EPHB2: variants seen among roughly 807,000 people sequenced by gnomAD.
The protein encoded by EPHB2 is EPH receptor B2.
In EPHB2, 18 loss-of-function variants were observed where a neutral mutation model predicts 96.4. The ratio of observed to expected loss-of-function variants is 0.19; its 90% CI spans 0.13 to 0.28. The LOEUF (loss-of-function observed/expected upper bound fraction) is 0.28, where lower values mean the gene tolerates loss of function less well. Ranked by LOEUF, EPHB2 falls within the 10% of genes least tolerant of loss-of-function variation. EPHB2 has a pLI of 1.00. For synonymous variants in EPHB2, 506 were observed against 534.1 expected, an observed-to-expected ratio of 0.95 and a Z score of 0.72; for missense variants, 989 against 1,355.4, an observed-to-expected ratio of 0.73 and a Z score of 4.25.
At chr1:22,882,646 C>T in intron 6 of EPHB2, 163 bp downstream of exon 6, 4 of 1,075,846 alleles carry the variant, frequency 3.7e-6, no homozygotes, top group Non-Finnish European at 5.3e-6. Context: ...TCCAGCTCCG[C>T]TCCTTCCCAC....
chr1:22,785,155 G>C, intron 3 of EPHB2, 79 bp downstream of exon 3: 1 of 1,565,208 alleles, frequency 6.4e-7, no homozygotes, highest in Non-Finnish European at 8.7e-7. Context: ...GCAGACTTGG[G>C]CCTGGCCTCT....
intron 1 of EPHB2, among the ~76,000 whole-genome samples, chr1:22,726,350 A>G (rs1239505995): frequency 6.6e-6 from 1 of 152,062 alleles, no homozygotes; most frequent in Admixed American, 6.5e-5. Flanking sequence ...GCCAGGCACC[A>G]TCCTAGGTGA....
At chr1:22,855,579 G>C (rs1306404753) in intron 3 of EPHB2, among the ~76,000 whole-genome samples, 1 of 152,174 alleles carries the variant, frequency 6.6e-6, no homozygotes, top group Non-Finnish European at 1.5e-5. Context: ...TCCCTAACTA[G>C]ACCTGAACTT....
Position 22,775,383 on chromosome 1 carries a change from TTTC to T in EPHB2, c.62-6031_62-6029del, listed in dbSNP as rs1247137691. The T allele has an allele frequency of 1.6e-5, 11 of 687,244 alleles. No homozygotes were observed. In the Admixed American group the frequency reaches 2.3e-4, roughly 14 times the overall value. The allele number at this position is 687,244 out of a possible 1,614,324, so 42.6% of individuals were successfully genotyped here. ...GGCATGTATAGGTGCTTAATGAAAG[TTTC>T]TTCTTCATGACTTTGGAACACTCAC... On this transcript the variant is annotated intron_variant, in intron 1 of 15. Transcript: ENST00000374630.
intron 1 of EPHB2, among the ~76,000 whole-genome samples, chr1:22,775,757 C>A (rs925413974): frequency 2.6e-5 from 4 of 152,230 alleles, no homozygotes; most frequent in African/African-American, 9.6e-5. Context: ...AGGGATAGGG[C>A]CAAAGTCACT....
chr1:22,751,307 A>G (rs553432267), intron 1 of EPHB2, among the ~76,000 whole-genome samples: 1 of 152,150 alleles, frequency 6.6e-6, no homozygotes, highest in Non-Finnish European at 1.5e-5. Context: ...TGCACGCAGG[A>G]CTGATGGGGC....
chr1:22,798,229 G>T (rs1205970176), intron 3 of EPHB2, among the ~76,000 whole-genome samples: 1 of 152,134 alleles, frequency 6.6e-6, no homozygotes, highest in Admixed American at 6.5e-5. Flanking sequence ...AATCCTGCTG[G>T]GAGTAACGCT....
chr1:22,731,357 G>A (rs1211749318), intron 1 of EPHB2, among the ~76,000 whole-genome samples: 2 of 151,466 alleles, frequency 1.3e-5, no homozygotes, highest in African/African-American at 2.4e-5. Flanking sequence ...CTGCACTGGG[G>A]GATTAGCGGA....
At chr1:22,744,237 G>T (rs964399684) in intron 1 of EPHB2, among the ~76,000 whole-genome samples, 1 of 151,780 alleles carries the variant, frequency 6.6e-6, no homozygotes, top group Non-Finnish European at 1.5e-5. Context: ...CGCCTACCTC[G>T]TAGCCCAGTA....
chr1:22,729,893 T>C (rs533283073), intron 1 of EPHB2, among the ~76,000 whole-genome samples: 3 of 152,310 alleles, frequency 2.0e-5, no homozygotes, highest in South Asian at 2.1e-4. Flanking sequence ...TCAACTGATA[T>C]ATATTGATTG....
intron 1 of EPHB2, among the ~76,000 whole-genome samples, chr1:22,719,168 G>A (rs1032876791): frequency 2.0e-5 from 3 of 152,138 alleles, no homozygotes; most frequent in African/African-American, 7.2e-5. Context: ...CAGTCACAGG[G>A]CCATTTGCAG....
At chr1:22,815,585 C>G (rs1645064215) in intron 3 of EPHB2, among the ~76,000 whole-genome samples, 1 of 152,258 alleles carries the variant, frequency 6.6e-6, no homozygotes, top group Non-Finnish European at 1.5e-5. Flanking sequence ...GGCCCCAGGC[C>G]CTTCTTGGCT....
intron 1 of EPHB2, among the ~76,000 whole-genome samples, chr1:22,748,808 A>G (rs560620415): frequency 7.4e-4 from 111 of 149,238 alleles, no homozygotes; most frequent in African/African-American, 2.5e-3. Flanking sequence ...GTTTCCTCCA[A>G]TTCTTTCTAG....
chr1:22,727,349 G>A (rs1643602919), intron 1 of EPHB2, among the ~76,000 whole-genome samples: 1 of 152,258 alleles, frequency 6.6e-6, no homozygotes, highest in African/African-American at 2.4e-5. Flanking sequence ...CAGAGTGAAC[G>A]AGTTAGGGCA....
Position 22,914,068 on chromosome 1 carries a change from A to T in EPHB2, c.*498A>T, listed in dbSNP as rs771785316. The T allele has an allele frequency of 1.5e-4, 98 of 659,094 alleles. 1 individual carries two copies. Among genetic ancestry groups the T allele is most frequent in the Non-Finnish European group, 2.2e-4 (91 of 406,784 alleles). The allele number at this position is 659,094 out of a possible 1,614,324, so 40.8% of individuals were successfully genotyped here. A position where few individuals can be genotyped will look rare whatever the true frequency, so the allele number is the denominator to read the frequency against. On this transcript the variant is annotated 3_prime_UTR_variant, in exon 16 of 16. Coordinates refer to ENST00000374630, the MANE Select transcript of EPHB2 (RefSeq NM_017449.5). ...CCTCACTCAACAACCAAGCGCCTGGAGGACGGGACAGATGGACAGACAGCC... is the reference window on the plus strand; with the variant it reads ...CCTCACTCAACAACCAAGCGCCTGGTGGACGGGACAGATGGACAGACAGCC...
chr1:22,891,555 C>A (rs1318049998), intron 6 of EPHB2, among the ~76,000 whole-genome samples: 1 of 152,210 alleles, frequency 6.6e-6, no homozygotes, highest in Non-Finnish European at 1.5e-5. Flanking sequence ...TTTTGCCGGG[C>A]GGCTGACAGA....
At chr1:22,879,855 C>T (rs115127668) in intron 5 of EPHB2, among the ~76,000 whole-genome samples, 11 of 152,222 alleles carry the variant, frequency 7.2e-5, no homozygotes, top group African/African-American at 1.9e-4. Flanking sequence ...GGCAAGGAGC[C>T]GAGCTGAGGG....
chr1:22,724,047 G>A (rs939441340), intron 1 of EPHB2, among the ~76,000 whole-genome samples: 6 of 152,218 alleles, frequency 3.9e-5, no homozygotes, highest in Non-Finnish European at 2.9e-5. Context: ...CCAAGCTTAG[G>A]CGTCTGGCTC....
intron 1 of EPHB2, among the ~76,000 whole-genome samples, chr1:22,735,584 T>C (rs1189029460): frequency 3.3e-5 from 5 of 152,226 alleles, no homozygotes; most frequent in Non-Finnish European, 5.9e-5. Context: ...ACAGGGTTTC[T>C]AGCAACCTCT....
Sources: allele counts gnomAD v4.1 joint callset (sites outside exome capture counted in the v4.1 genomes callset), GRCh38; gene constraint gnomAD v4.1.1; transcripts MANE v1.5; gene names NCBI Gene and HGNC (gene_info 2026-07-23, HGNC 2026-07-21).